GRID2: variants seen among roughly 807,000 people sequenced by gnomAD.
The protein encoded by GRID2 is glutamate ionotropic receptor delta type subunit 2.
A neutral mutation model predicts 114.8 loss-of-function variants in GRID2; 33 were observed. The ratio of observed to expected loss-of-function variants is 0.29; its 90% CI spans 0.22 to 0.38. The LOEUF (loss-of-function observed/expected upper bound fraction) is 0.38, where lower values mean the gene tolerates loss of function less well. Among genes scored for constraint, GRID2 ranks in the 10% least tolerant of loss-of-function variants. The probability of loss-of-function intolerance (pLI) is 1.00; values close to 1 mark genes in which losing one functional copy is unlikely to be tolerated. For synonymous variants in GRID2, 505 were observed against 449.9 expected (o/e 1.12, Z -1.55); for missense variants, 1,184 against 1,257.7 (o/e 0.94, Z 0.89).
chr4:92,574,821 G>A (rs1236689597), intron 1 of GRID2, among the ~76,000 whole-genome samples: 1 of 152,086 alleles, frequency 6.6e-6, no homozygotes, highest in Admixed American at 6.6e-5. Flanking sequence ...TTCTCATGGA[G>A]TATCTTATTG....
At chr4:93,121,136 T>C (rs139248004) in intron 4 of GRID2, among the ~76,000 whole-genome samples, 39 of 152,248 alleles carry the variant, frequency 2.6e-4, no homozygotes, top group East Asian at 7.7e-4. Context: ...ATTGCTGTGA[T>C]AGTTATTTAA....
chr4:93,465,587 A>T (rs1442230114), intron 11 of GRID2, among the ~76,000 whole-genome samples: 1 of 152,212 alleles, frequency 6.6e-6, no homozygotes, highest in Non-Finnish European at 1.5e-5. Context: ...ATATAAAACT[A>T]TTAGAACTGT....
intron 8 of GRID2, among the ~76,000 whole-genome samples, chr4:93,391,053 C>T (rs576747229): frequency 6.6e-6 from 1 of 152,200 alleles, no homozygotes; most frequent in East Asian, 1.9e-4. Flanking sequence ...GGCTATTCCA[C>T]ATAATCTCAA....
At chr4:93,626,551 A>C (rs1418170018) in intron 14 of GRID2, 116 bp downstream of exon 14, 1 of 618,444 alleles carries the variant, frequency 1.6e-6, no homozygotes, top group Non-Finnish European at 2.8e-6. Context: ...GAAGCACAAT[A>C]AACAACAACA....
At chr4:93,269,553 A>T (rs888928200) in intron 8 of GRID2, among the ~76,000 whole-genome samples, 1 of 152,190 alleles carries the variant, frequency 6.6e-6, no homozygotes, top group African/African-American at 2.4e-5. Flanking sequence ...CTCAACCCAC[A>T]TTTGGAATGG....
At chr4:93,745,148 T>A (rs1336336911) in intron 14 of GRID2, among the ~76,000 whole-genome samples, 1 of 152,188 alleles carries the variant, frequency 6.6e-6, no homozygotes, top group Non-Finnish European at 1.5e-5. Context: ...ATCTCTGATG[T>A]ATGGCTGTAA....
chr4:92,566,597 T>C (rs1727347243), intron 1 of GRID2, among the ~76,000 whole-genome samples: 1 of 152,098 alleles, frequency 6.6e-6, no homozygotes, highest in Non-Finnish European at 1.5e-5. Flanking sequence ...TACTGTACAC[T>C]GAGATATTTT....
intron 8 of GRID2, among the ~76,000 whole-genome samples, chr4:93,238,860 A>G (rs1480808779): frequency 2.6e-5 from 4 of 151,570 alleles, no homozygotes; most frequent in Non-Finnish European, 5.9e-5. Flanking sequence ...AAGAGCTTGG[A>G]TAAATTTCAT....
In GRID2 at chr4:92,327,406, C is replaced by T. The variant is rs753825332; in HGVS notation, c.88+22662C>T. Among the ~76,000 whole-genome samples the T allele has an allele frequency of 8.6e-5, 13 of 151,722 alleles. 1 individual carries two copies. Among genetic ancestry groups the T allele is most frequent in the Admixed American group, 6.6e-4 (10 of 15,182 alleles). On this transcript the variant is annotated intron_variant, in intron 1 of 15. Coordinates refer to ENST00000282020, the MANE Select transcript of GRID2 (RefSeq NM_001510.4). ...TGTGTGCCTTCTCAATCTCTAGTCC[C>T]AAGTTAAACAATTTCACTCAGATCC...
rs1301989608 is a variant in GRID2, at chr4:93,124,115, AAG to A, written c.735+13164_735+13165del. On this transcript the variant is annotated intron_variant, in intron 4 of 15. Coordinates refer to ENST00000282020, the MANE Select transcript of GRID2 (RefSeq NM_001510.4). ...AAAACTTAAAGTATAATAAAAAAAA[AAG>A]AAAAAAAAAAAAGATAAATTTGAAA... Among the ~76,000 whole-genome samples, 146 of 47,852 alleles carry A rather than the reference AAG, an allele frequency of 3.1e-3. 1 individual carries two copies. Among genetic ancestry groups the A allele is most frequent in the African/African-American group, 0.013 (139 of 10,670 alleles). 31.4% of individuals were successfully genotyped at this position (47,852 alleles called of 152,430 possible). A position where few individuals can be genotyped will look rare whatever the true frequency, so the allele number is the denominator to read the frequency against.
chr4:92,444,713 G>T (rs969475635), intron 1 of GRID2, among the ~76,000 whole-genome samples: 8 of 152,214 alleles, frequency 5.3e-5, no homozygotes, highest in African/African-American at 9.6e-5. Flanking sequence ...TTAAATATCC[G>T]TACAGAAGTC....
At chr4:92,607,020 A>G (rs556313870) in intron 2 of GRID2, among the ~76,000 whole-genome samples, 26 of 152,154 alleles carry the variant, frequency 1.7e-4, no homozygotes, top group African/African-American at 5.5e-4. Context: ...TCCAAAAGGC[A>G]GTAAGTCTGA....
At chr4:92,635,882 A>G (rs1454796415) in intron 2 of GRID2, among the ~76,000 whole-genome samples, 1 of 152,040 alleles carries the variant, frequency 6.6e-6, no homozygotes, top group Admixed American at 6.6e-5. Flanking sequence ...ACAATATTAT[A>G]TTTGCATAAG....
chr4:93,225,165 T>C (rs180829593), intron 7 of GRID2, among the ~76,000 whole-genome samples: 2 of 152,352 alleles, frequency 1.3e-5, no homozygotes, highest in East Asian at 3.9e-4. Context: ...ATATACATGG[T>C]AAGACACTGG....
intron 2 of GRID2, among the ~76,000 whole-genome samples, chr4:92,897,522 C>G (rs1286193946): frequency 2.0e-5 from 3 of 152,144 alleles, no homozygotes; most frequent in Non-Finnish European, 4.4e-5. Context: ...CAGAATCTTT[C>G]CATGCCACTT....
At position 93,216,593 on chromosome 4, in the gene GRID2, G is replaced by T. The variant is rs76331013; in HGVS notation, c.790-145G>T. On this transcript the variant is annotated intron_variant, in intron 5 of 15. Coordinates refer to ENST00000282020, the MANE Select transcript of GRID2 (RefSeq NM_001510.4). ...TTGATAATTTTAACAAAAATATGTT[G>T]CTTTCATTTAGATATGCACTAAGCA... The T allele has an allele frequency of 2.0e-3, 1,091 of 532,498 alleles. 11 individuals are homozygous for T. The East Asian group carries it at 0.029, about 14-fold the overall frequency. 33.0% of individuals were successfully genotyped at this position (532,498 alleles called of 1,614,324 possible). A position where few individuals can be genotyped will look rare whatever the true frequency, so the allele number is the denominator to read the frequency against.
intron 11 of GRID2, among the ~76,000 whole-genome samples, chr4:93,490,234 C>T (rs1263035126): frequency 6.6e-6 from 1 of 151,664 alleles, no homozygotes; most frequent in Non-Finnish European, 1.5e-5. Flanking sequence ...AAAAAATAAT[C>T]CTTTCAATAT....
At chr4:93,257,978 G>GCA in intron 8 of GRID2, among the ~76,000 whole-genome samples, 1 of 139,086 alleles carries the variant, frequency 7.2e-6, no homozygotes, top group East Asian at 2.1e-4. Context: ...ATATGTGTGT[G>GCA]TATATATATA....
chr4:92,355,115 T>G (rs1308276477), intron 1 of GRID2, among the ~76,000 whole-genome samples: 1 of 151,906 alleles, frequency 6.6e-6, no homozygotes, highest in Non-Finnish European at 1.5e-5. Flanking sequence ...GATGCTGTTT[T>G]TTGAAATGTA....
Sources: gnomAD v4.1 joint callset for allele counts (sites outside exome capture counted in the v4.1 genomes callset) on GRCh38, gnomAD v4.1.1 for gene constraint, MANE v1.5 for transcripts, NCBI Gene and HGNC (gene_info 2026-07-23, HGNC 2026-07-21) for gene names.